Variants in ANKAR observed in about 807,000 individuals in gnomAD.
The protein encoded by ANKAR is ankyrin and armadillo repeat containing, also known as ankyrin and armadillo repeat-containing protein.
ANKAR carries 136 observed loss-of-function variants against 146.2 expected under a neutral mutation model. The ratio of observed to expected loss-of-function variants is 0.93; its 90% CI spans 0.81 to 1.07. ANKAR has a LOEUF of 1.07. ANKAR is among the 50% of genes least tolerant of loss of function. The pLI, the probability that ANKAR is intolerant of heterozygous loss-of-function variation, is 0.00. For synonymous variants in ANKAR, 500 were observed against 575.8 expected, an observed-to-expected ratio of 0.87 and a Z score of 1.88; for missense variants, 1,567 against 1,679.9, an observed-to-expected ratio of 0.93 and a Z score of 1.18.
At chr2:189,690,328 T>C (rs191310639) in intron 3 of ANKAR, among the ~76,000 whole-genome samples, 1,884 of 152,268 alleles carry the variant, frequency 0.012, 30 homozygotes, top group Admixed American at 0.014. Flanking sequence ...ATATTTTTCA[T>C]TGAAGTATAC....
intron 21 of ANKAR, 51 bp from the exon 22 acceptor site, chr2:189,744,690 TG>T: frequency 1.5e-6 from 2 of 1,321,428 alleles, no homozygotes; most frequent in Non-Finnish European, 2.2e-6. Flanking sequence ...ATATTTTTTC[TG>T]GGTGCATTAT....
In ANKAR at chr2:189,674,794, G is replaced by A. The variant is rs895002939; in HGVS notation, c.-72G>A. 2 of 152,326 alleles carry A rather than the reference G, an allele frequency of 1.3e-5. No homozygotes were observed. Among genetic ancestry groups the A allele is most frequent in the African/African-American group, 2.4e-5 (1 of 41,472 alleles). The allele number at this position is 152,326 out of a possible 1,614,324, so 9.4% of individuals were successfully genotyped here. On this transcript the variant is annotated 5_prime_UTR_variant, in exon 1 of 23. Coordinates refer to ENST00000684021, the MANE Select transcript of ANKAR (RefSeq NM_001378068.1). Reference sequence around the variant, plus strand: ...GCCCCACGGGAACGCCGCGGACGCAGCGTCCCTCTCCCGGACAAGAAAACA... The same window carrying A: ...GCCCCACGGGAACGCCGCGGACGCAACGTCCCTCTCCCGGACAAGAAAACA...
At position 189,689,799 on chromosome 2, in the gene ANKAR, T is replaced by C. The variant is rs1258919515; in HGVS notation, c.874T>C (p.Leu292=). The change falls in exon 3 of 23, where the codon TTA becomes CTA. Residue 292 remains leucine, a synonymous_variant. Coordinates refer to ENST00000684021, the MANE Select transcript of ANKAR (RefSeq NM_001378068.1). ...TACCTACCAGAGACTACAGCAAAGA[T>C]TATATCTTCAAAAAAAGATTATTCA... ...ICTYQRLQQR[L]YLQKKIIQKH... 9 of 1,606,932 alleles carry C rather than the reference T, an allele frequency of 5.6e-6. No individual in the cohort carries two copies. The highest frequency in any genetic ancestry group is 7.6e-6 in the Non-Finnish European group (9 of 1,177,586).
downstream of ANKAR, chr2:189,762,597 C>T (rs1352069682): frequency 2.0e-6 from 2 of 985,340 alleles, no homozygotes; most frequent in Non-Finnish European, 2.4e-6. Flanking sequence ...CTCCTGTCGG[C>T]TGTAAGGCGG....
chr2:189,762,761 G>A (rs369316131), downstream of ANKAR: 3 of 985,400 alleles, frequency 3.0e-6, no homozygotes, highest in African/African-American at 5.2e-5. Context: ...ATCGCTGCAG[G>A]AGAAAGCCCG....
chr2:189,693,698 G>T (rs116372082), intron 5 of ANKAR, among the ~76,000 whole-genome samples: 2,812 of 152,188 alleles, frequency 0.018, 86 homozygotes, highest in African/African-American at 0.064. Flanking sequence ...GATTGCTTGA[G>T]CCTAGGAGTT....
rs10578902 is a variant in ANKAR, at chr2:189,704,544, C to CATATAT, written c.1709-431_1709-426dup. ...TTAGTGACATTGAGGCCTTTGTTAACATATATATATATATATATATATATA... is the reference window on the plus strand; with the variant it reads ...TTAGTGACATTGAGGCCTTTGTTAACATATATATATATATATATATATATATATATA... On this transcript the variant is annotated intron_variant, in intron 7 of 22. Coordinates refer to ENST00000684021, the MANE Select transcript of ANKAR (RefSeq NM_001378068.1). Among the ~76,000 whole-genome samples, 118 of 36,440 alleles carry CATATAT rather than the reference C, an allele frequency of 3.2e-3. 4 individuals carry two copies. Among genetic ancestry groups the CATATAT allele is most frequent in the East Asian group, 4.4e-3 (5 of 1,136 alleles). 23.9% of individuals were successfully genotyped at this position (36,440 alleles called of 152,430 possible). A position where few individuals can be genotyped will look rare whatever the true frequency, so the allele number is the denominator to read the frequency against.
chr2:189,716,135 G>T (rs2040430696), intron 10 of ANKAR, among the ~76,000 whole-genome samples: 1 of 152,082 alleles, frequency 6.6e-6, no homozygotes, highest in Non-Finnish European at 1.5e-5. Context: ...ATTAGGAAAA[G>T]AGGAAGTCAA....
intron 22 of ANKAR, 109 bp from the exon 23 acceptor site, chr2:189,746,271 T>C (rs2044148059): frequency 7.7e-7 from 1 of 1,302,656 alleles, no homozygotes; most frequent in African/African-American, 1.5e-5. Context: ...TGATCTGTTC[T>C]CTTAGTATGT....
downstream of ANKAR, chr2:189,750,540 T>G: frequency 9.0e-7 from 1 of 1,112,114 alleles, no homozygotes; most frequent in Non-Finnish European, 1.3e-6. Flanking sequence ...AATTTTAACC[T>G]TAATACTACC....
At chr2:189,741,973 A>G (rs151181830) in intron 20 of ANKAR, among the ~76,000 whole-genome samples, 2 of 152,328 alleles carry the variant, frequency 1.3e-5, no homozygotes, top group East Asian at 1.9e-4. Flanking sequence ...ATGATTTGAA[A>G]TGAATGAAAA....
At chr2:189,739,210 T>C (rs887996977) in intron 19 of ANKAR, among the ~76,000 whole-genome samples, 2 of 152,200 alleles carry the variant, frequency 1.3e-5, no homozygotes, top group East Asian at 3.8e-4. Flanking sequence ...TCACACATAA[T>C]AGGTGATCAG....
rs555439755 is a variant in ANKAR, at chr2:189,759,934, C to T, written c.*585-1164C>T. ...TCTGCAGTGTTTATGTCCCTGGGTA[C>T]TTGAGATTAGGGAGTGGTGATGACT... On this transcript the variant is annotated intron_variant and NMD_transcript_variant, in intron 18 of 18. Transcript: ENST00000441800. 5.4e-4 allele frequency among the ~76,000 whole-genome samples: 82 copies of T among 152,160 alleles called. 1 individual carries two copies. Among genetic ancestry groups the T allele is most frequent in the Admixed American group, 3.6e-3 (55 of 15,284 alleles).
chr2:189,720,203 C>T (rs2041070969), intron 11 of ANKAR, among the ~76,000 whole-genome samples: 1 of 152,094 alleles, frequency 6.6e-6, no homozygotes, highest in South Asian at 2.1e-4. Context: ...CACTCATTCT[C>T]TCCCAAATAG....
At chr2:189,677,730 C>T (rs772958837) in intron 2 of ANKAR, among the ~76,000 whole-genome samples, 4 of 150,094 alleles carry the variant, frequency 2.7e-5, no homozygotes, top group Admixed American at 6.6e-5. Context: ...AGGCTGGCCT[C>T]GAACCCCTGG....
intron 12 of ANKAR, among the ~76,000 whole-genome samples, chr2:189,725,315 C>CACACACACAT (rs758464819): frequency 4.7e-5 from 6 of 126,744 alleles, no homozygotes; most frequent in African/African-American, 1.8e-4. Flanking sequence ...CACACACACA[C>CACACACACAT]ATATATATGA....
chr2:189,712,964 C>T (rs544454470), intron 10 of ANKAR, among the ~76,000 whole-genome samples: 19 of 152,210 alleles, frequency 1.2e-4, no homozygotes, highest in East Asian at 7.7e-4. Flanking sequence ...GGCACGAGAA[C>T]CATGTGAGGC....
downstream of ANKAR, among the ~76,000 whole-genome samples, chr2:189,747,492 G>T (rs2044326873): frequency 6.6e-6 from 1 of 152,064 alleles, no homozygotes; most frequent in South Asian, 2.1e-4. Flanking sequence ...CATGAGTATG[G>T]CTTTTGTGGC....
chr2:189,725,268 A>C (rs939624582), intron 12 of ANKAR, among the ~76,000 whole-genome samples: 1 of 121,098 alleles, frequency 8.3e-6, no homozygotes, highest in Non-Finnish European at 1.7e-5. Flanking sequence ...TATTTTATAT[A>C]TATGGATTTA....
Sources: gnomAD v4.1 joint callset for allele counts (sites outside exome capture counted in the v4.1 genomes callset) on GRCh38, gnomAD v4.1.1 for gene constraint, MANE v1.5 for transcripts, NCBI Gene and HGNC (gene_info 2026-07-23, HGNC 2026-07-21) for gene names.